The following RYK variants were observed in gnomAD, a reference collection of about 807,000 sequenced individuals.
The protein encoded by RYK is inactive tyrosine-protein kinase RYK.
RYK carries 21 observed loss-of-function variants against 70.2 expected under a neutral mutation model. The observed-to-expected ratio is 0.30, with a 90% confidence interval of 0.21 to 0.43. RYK has a LOEUF of 0.43. Among genes scored for constraint, RYK ranks in the 20% least tolerant of loss-of-function variants. RYK has a pLI of 1.00. For missense variants in RYK, 604 were observed against 753.3 expected, an observed-to-expected ratio of 0.80 and a Z score of 2.32; for synonymous variants, 267 against 278.0, an observed-to-expected ratio of 0.96 and a Z score of 0.39.
At chr3:134,244,742 C>A (rs758882052) in intron 1 of RYK, among the ~76,000 whole-genome samples, 22 of 152,274 alleles carry the variant, frequency 1.4e-4, no homozygotes, top group Middle Eastern at 3.4e-3. Context: ...TTAATACATA[C>A]CTACTCTAAG....
At chr3:134,187,955 A>C (rs1033270865) in intron 9 of RYK, among the ~76,000 whole-genome samples, 6 of 151,984 alleles carry the variant, frequency 3.9e-5, no homozygotes, top group African/African-American at 1.4e-4. Context: ...CAGTAATAGG[A>C]AATAAGCCAT....
intron 13 of RYK, among the ~76,000 whole-genome samples, chr3:134,172,961 G>C (rs1195142142): frequency 1.3e-5 from 2 of 152,176 alleles, no homozygotes; most frequent in Non-Finnish European, 1.5e-5. Flanking sequence ...TTCAGTGTTA[G>C]CTTCTGAGAC....
intron 5 of RYK, 98 bp downstream of exon 5, chr3:134,207,374 G>T: frequency 1.6e-6 from 1 of 630,616 alleles, no homozygotes; most frequent in South Asian, 3.0e-5. Flanking sequence ...ATTATCATTT[G>T]ATACCATGAG....
chr3:134,163,785 C>G (rs1448402340), intron 13 of RYK, among the ~76,000 whole-genome samples: 1 of 152,130 alleles, frequency 6.6e-6, no homozygotes, highest in African/African-American at 2.4e-5. Flanking sequence ...ATCAGGTGGT[C>G]CATGGCTAGG....
intron 1 of RYK, among the ~76,000 whole-genome samples, chr3:134,249,788 C>G (rs6796130): frequency 6.6e-6 from 1 of 152,076 alleles, no homozygotes; most frequent in African/African-American, 2.4e-5. Flanking sequence ...CTAAAAAGGT[C>G]TGCTACCTGG....
intron 2 of RYK, among the ~76,000 whole-genome samples, chr3:134,213,243 G>A (rs566679391): frequency 2.0e-4 from 31 of 152,298 alleles, no homozygotes; most frequent in Admixed American, 6.5e-4. Context: ...AATCAGCACC[G>A]CCAGCAAGAA....
chr3:134,189,351 C>G (rs1044957246), intron 8 of RYK, among the ~76,000 whole-genome samples: 12 of 152,152 alleles, frequency 7.9e-5, no homozygotes, highest in Admixed American at 5.2e-4. Context: ...CCAGGGAGTA[C>G]AAGTTTTGGA....
chr3:134,230,472 T>C (rs1255875675), intron 1 of RYK, among the ~76,000 whole-genome samples: 2 of 152,242 alleles, frequency 1.3e-5, no homozygotes, highest in Non-Finnish European at 2.9e-5. Context: ...GTGGCATATA[T>C]ATAAATGGAA....
chr3:134,199,318 C>T (rs1263962391), intron 6 of RYK, among the ~76,000 whole-genome samples: 1 of 152,250 alleles, frequency 6.6e-6, no homozygotes, highest in Non-Finnish European at 1.5e-5. Flanking sequence ...GAGCCATGGG[C>T]TCCATCTAAC....
intron 1 of RYK, among the ~76,000 whole-genome samples, chr3:134,238,783 C>A (rs1388611303): frequency 6.6e-6 from 1 of 152,034 alleles, no homozygotes; most frequent in Non-Finnish European, 1.5e-5. Context: ...ACAAAAAGAC[C>A]CAAGTCAAAT....
intron 1 of RYK, among the ~76,000 whole-genome samples, chr3:134,248,518 T>C (rs4613428): frequency 0.019 from 2,878 of 152,262 alleles, 80 homozygotes; most frequent in African/African-American, 0.066. Context: ...TGTTTCATTT[T>C]TTTCAAAAAT....
In RYK at chr3:134,167,459, G is replaced by C. The variant is rs60373435; in HGVS notation, c.1576-8086C>G. Among the ~76,000 whole-genome samples the C allele has an allele frequency of 6.1e-3, 924 of 152,250 alleles. 11 individuals carry two copies. Among genetic ancestry groups the C allele is most frequent in the African/African-American group, 0.021 (882 of 41,536 alleles). ...TAATACTACACATCTACAACTATCTGATCTTTGACAAACCTGACAAAAACA... is the reference window on the plus strand; with the variant it reads ...TAATACTACACATCTACAACTATCTCATCTTTGACAAACCTGACAAAAACA... On this transcript the variant is annotated intron_variant, in intron 13 of 14. Coordinates refer to ENST00000623711, the MANE Select transcript of RYK (RefSeq NM_002958.4).
At chr3:134,214,260 T>G (rs531387919) in intron 2 of RYK, among the ~76,000 whole-genome samples, 22 of 152,276 alleles carry the variant, frequency 1.4e-4, no homozygotes, top group African/African-American at 4.6e-4. Context: ...ATTACTTCAC[T>G]ACCAAAACAA....
intron 5 of RYK, among the ~76,000 whole-genome samples, chr3:134,206,124 A>G (rs928480930): frequency 1.3e-5 from 2 of 152,192 alleles, no homozygotes; most frequent in African/African-American, 4.8e-5. Flanking sequence ...CTTTTCAGAA[A>G]TATTCCAGCA....
intron 2 of RYK, among the ~76,000 whole-genome samples, chr3:134,212,057 TCA>T (rs1249201914): frequency 3.9e-5 from 6 of 152,206 alleles, no homozygotes; most frequent in Non-Finnish European, 8.8e-5. Flanking sequence ...GCAGACCCAC[TCA>T]CACAATAAGC....
At chr3:134,200,249 C>T (rs996092473) in intron 6 of RYK, among the ~76,000 whole-genome samples, 4 of 152,130 alleles carry the variant, frequency 2.6e-5, no homozygotes, top group African/African-American at 9.7e-5. Context: ...AGCTGTAACA[C>T]TGCGAAGGTC....
intron 7 of RYK, 88 bp downstream of exon 7, chr3:134,194,994 T>G (rs967696029): frequency 4.5e-6 from 4 of 897,486 alleles, no homozygotes; most frequent in South Asian, 1.5e-5. Flanking sequence ...ACACAACATG[T>G]CCCACAAGTA....
chr3:134,197,804 A>C (rs546355068), intron 6 of RYK, among the ~76,000 whole-genome samples: 3 of 152,352 alleles, frequency 2.0e-5, no homozygotes, highest in African/African-American at 7.2e-5. Context: ...TCTGCAACCA[A>C]CATCACTGAT....
chr3:134,187,025 A>G (rs1576510378), intron 9 of RYK, among the ~76,000 whole-genome samples: 1 of 152,226 alleles, frequency 6.6e-6, no homozygotes, highest in Non-Finnish European at 1.5e-5. Flanking sequence ...ACTTGGTCTT[A>G]GCCGAAAGGA....
Sources: allele counts gnomAD v4.1 joint callset (sites outside exome capture counted in the v4.1 genomes callset), GRCh38; gene constraint gnomAD v4.1.1; transcripts MANE v1.5; gene names NCBI Gene and HGNC (gene_info 2026-07-23, HGNC 2026-07-21).